Variants in HDAC4 observed in about 807,000 individuals in gnomAD.
HDAC4 encodes the protein histone deacetylase 4, also known as histone deacetylase A.
In HDAC4, 16 loss-of-function variants were observed where a neutral mutation model predicts 135.1. That is an observed-to-expected ratio of 0.12 (90% CI 0.08 to 0.18). HDAC4 has a LOEUF of 0.18. HDAC4 is among the 10% of genes least tolerant of loss of function. The pLI, the probability that HDAC4 is intolerant of heterozygous loss-of-function variation, is 1.00. For synonymous variants in HDAC4, 685 were observed against 653.4 expected, an observed-to-expected ratio of 1.05 and a Z score of -0.74; for missense variants, 1,143 against 1,511.8, an observed-to-expected ratio of 0.76 and a Z score of 4.05.
chr2:239,133,381 G>T lies in HDAC4; in HGVS notation c.1294+864C>A, dbSNP rs531023791. ...CTGAGGGTATTTCAGCTTTCAATTG[G>T]CAACAACAGGTTTCCAGGAAGCCAA... On this transcript the variant is annotated intron_variant, in intron 11 of 26. Transcript: ENST00000543185. 1.7e-3 allele frequency among the ~76,000 whole-genome samples: 266 copies of T among 152,312 alleles called. 1 individual carries two copies. The highest frequency in any genetic ancestry group is 6.0e-3 in the African/African-American group (248 of 41,566).
intron 2 of HDAC4, 39 bp from the exon 3 acceptor site, chr2:239,236,703 G>A (rs370426575): frequency 1.5e-5 from 22 of 1,468,104 alleles, no homozygotes; most frequent in African/African-American, 2.8e-5. Context: ...GAAACTGCGC[G>A]CATTTCAGCC....
intron 2 of HDAC4, among the ~76,000 whole-genome samples, chr2:239,325,210 G>A (rs570595156): frequency 1.3e-5 from 2 of 152,278 alleles, no homozygotes; most frequent in South Asian, 4.1e-4. Context: ...TGACATCAAA[G>A]GCCAAGCAAC....
chr2:239,378,285 C>A (rs931160398), intron 1 of HDAC4, among the ~76,000 whole-genome samples: 2 of 152,102 alleles, frequency 1.3e-5, no homozygotes, highest in Admixed American at 1.3e-4. Flanking sequence ...CCAGCGGTGA[C>A]CAGGGTGGGG....
intron 1 of HDAC4, among the ~76,000 whole-genome samples, chr2:239,383,778 G>A (rs1695588280): frequency 6.6e-6 from 1 of 152,222 alleles, no homozygotes; most frequent in South Asian, 2.1e-4. Context: ...GGCCGGGGCA[G>A]GAATGGACAA....
At chr2:239,162,648 T>C (rs924795507) in intron 6 of HDAC4, among the ~76,000 whole-genome samples, 12 of 152,124 alleles carry the variant, frequency 7.9e-5, no homozygotes, top group Non-Finnish European at 1.6e-4. Flanking sequence ...CCGGTCTCAC[T>C]CCTCCTTGCA....
At chr2:239,083,794 C>T (rs2035588003) in intron 20 of HDAC4, among the ~76,000 whole-genome samples, 2 of 152,178 alleles carry the variant, frequency 1.3e-5, no homozygotes, top group South Asian at 2.1e-4. Context: ...CTGCCGCCTT[C>T]GACCAGGGTG....
At chr2:239,124,789 C>T (rs74537832) in intron 12 of HDAC4, among the ~76,000 whole-genome samples, 245 of 22,362 alleles carry the variant, frequency 0.011, 1 homozygote, top group Non-Finnish European at 0.012. Flanking sequence ...GGCGTGTGGC[C>T]GCGTTATATG....
chr2:239,261,331 C>T (rs1239382088), intron 2 of HDAC4, among the ~76,000 whole-genome samples: 1 of 152,180 alleles, frequency 6.6e-6, no homozygotes, highest in African/African-American at 2.4e-5. Flanking sequence ...CTAAGGAGGG[C>T]GTACAGAAGG....
chr2:239,113,314 G>A (rs1267597922), intron 13 of HDAC4, among the ~76,000 whole-genome samples: 1 of 152,166 alleles, frequency 6.6e-6, no homozygotes, highest in Non-Finnish European at 1.5e-5. Flanking sequence ...CCCTGAGACA[G>A]TGGGAGGAGC....
chr2:239,110,210 T>C (rs1436210798), intron 14 of HDAC4, among the ~76,000 whole-genome samples: 3 of 152,096 alleles, frequency 2.0e-5, no homozygotes, highest in Non-Finnish European at 2.9e-5. Context: ...CACTGGGGAG[T>C]GGCATTACGG....
At chr2:239,395,524 T>G (rs1004287109) in intron 1 of HDAC4, among the ~76,000 whole-genome samples, 13 of 152,330 alleles carry the variant, frequency 8.5e-5, no homozygotes, top group African/African-American at 3.1e-4. Context: ...AATGAAGATA[T>G]CTAAATGTTT....
At chr2:239,257,139 A>G (rs1048614969) in intron 2 of HDAC4, among the ~76,000 whole-genome samples, 1 of 152,214 alleles carries the variant, frequency 6.6e-6, no homozygotes, top group Non-Finnish European at 1.5e-5. Flanking sequence ...CTGATTTTCC[A>G]TATATACTGC....
At chr2:239,070,924 GTTGTT>G (rs776119910) in intron 22 of HDAC4, among the ~76,000 whole-genome samples, 1 of 65,080 alleles carries the variant, frequency 1.5e-5, no homozygotes, top group Non-Finnish European at 2.8e-5. Context: ...TGCAGTCTCT[GTTGTT>G]TTTTTTTTTT....
chr2:239,345,405 C>G (rs1327783395), intron 2 of HDAC4, among the ~76,000 whole-genome samples: 1 of 152,010 alleles, frequency 6.6e-6, no homozygotes, highest in East Asian at 1.9e-4. Context: ...TAAAAATTAG[C>G]TGGGCGTGGT....
intron 3 of HDAC4, among the ~76,000 whole-genome samples, chr2:239,205,859 T>C (rs1378945346): frequency 6.6e-6 from 1 of 152,076 alleles, no homozygotes; most frequent in African/African-American, 2.4e-5. Context: ...GTAACCCACG[T>C]GTTGTAGAGG....
chr2:239,340,868 G>A (rs993812185), intron 2 of HDAC4, among the ~76,000 whole-genome samples: 4 of 152,116 alleles, frequency 2.6e-5, no homozygotes, highest in African/African-American at 9.7e-5. Flanking sequence ...AAAGGGCACT[G>A]AAGATCTGGC....
At chr2:239,253,187 G>A (rs947277435) in intron 2 of HDAC4, among the ~76,000 whole-genome samples, 6 of 152,188 alleles carry the variant, frequency 3.9e-5, no homozygotes, top group African/African-American at 7.2e-5. Context: ...GTACCACTGC[G>A]TTAGCGTGGT....
chr2:239,167,629 G>A lies in HDAC4; in HGVS notation c.491-3706C>T, dbSNP rs2043190316. On this transcript the variant is annotated intron_variant, in intron 5 of 26. Transcript: ENST00000543185. This position sits in a 1 kb window ranked among gnomAD's most constrained non-coding sequence, Gnocchi z 4.1. ...ACCCCGTTTCTGCACTTCTGGTTATGCACACGCTCATCTGTCAACAGGTTT... is the reference window on the plus strand; with the variant it reads ...ACCCCGTTTCTGCACTTCTGGTTATACACACGCTCATCTGTCAACAGGTTT... 6.6e-6 allele frequency among the ~76,000 whole-genome samples: 1 copy of A among 152,134 alleles called. No homozygotes were observed. Among genetic ancestry groups the A allele is most frequent in the African/African-American group, 2.4e-5 (1 of 41,426 alleles).
At chr2:239,269,588 G>A (rs765637149) in intron 2 of HDAC4, among the ~76,000 whole-genome samples, 33 of 152,210 alleles carry the variant, frequency 2.2e-4, no homozygotes, top group Non-Finnish European at 4.3e-4. Context: ...CTGGCCTCCT[G>A]GAGGAGGAGG....
Sources: gnomAD v4.1 joint callset for allele counts (sites outside exome capture counted in the v4.1 genomes callset) on GRCh38, gnomAD v4.1.1 for gene constraint, Gnocchi (gnomAD v3.1) non-coding constraint, MANE v1.5 for transcripts, NCBI Gene and HGNC (gene_info 2026-07-23, HGNC 2026-07-21) for gene names.